NOS1AP: variants seen among roughly 807,000 people sequenced by gnomAD.
The protein encoded by NOS1AP is nitric oxide synthase 1 adaptor protein, also known as carboxyl-terminal PDZ ligand of neuronal nitric oxide synthase protein.
A neutral mutation model predicts 56.2 loss-of-function variants in NOS1AP; 21 were observed. That is an observed-to-expected ratio of 0.37 (90% CI 0.26 to 0.54). The LOEUF is 0.54. NOS1AP is among the 20% of genes least tolerant of loss of function. The pLI is 0.84. For synonymous variants in NOS1AP, 270 were observed against 274.6 expected, an observed-to-expected ratio of 0.98 and a Z score of 0.17; for missense variants, 522 against 657.8, an observed-to-expected ratio of 0.79 and a Z score of 2.26.
chr1:162,345,426 G>A (rs1196733802), intron 6 of NOS1AP, among the ~76,000 whole-genome samples: 1 of 151,296 alleles, frequency 6.6e-6, no homozygotes, highest in Non-Finnish European at 1.5e-5. Flanking sequence ...TTGTTCTTGC[G>A]ATAGTTTACT....
At chr1:162,240,243 C>CTGTGTGTGTGTG (rs1653446639) in intron 2 of NOS1AP, among the ~76,000 whole-genome samples, 1 of 79,870 alleles carries the variant, frequency 1.3e-5, no homozygotes, top group African/African-American at 6.1e-5. Context: ...ACTGTGTGGC[C>CTGTGTGTGTGTG]AGTGTGTGTG....
intron 1 of NOS1AP, among the ~76,000 whole-genome samples, chr1:162,089,623 G>A (rs181159547): frequency 6.6e-6 from 1 of 152,252 alleles, no homozygotes; most frequent in Admixed American, 6.5e-5. Flanking sequence ...AGATTATCCT[G>A]GATTATCTGG....
chr1:162,361,709 C>T (rs1657909411), intron 8 of NOS1AP, among the ~76,000 whole-genome samples: 1 of 152,216 alleles, frequency 6.6e-6, no homozygotes, highest in Admixed American at 6.5e-5. Flanking sequence ...GTACAAGGAG[C>T]ATTTTCTCAT....
chr1:162,170,808 G>T (rs1183940469), intron 2 of NOS1AP, among the ~76,000 whole-genome samples: 1 of 152,090 alleles, frequency 6.6e-6, no homozygotes, highest in Non-Finnish European at 1.5e-5. Context: ...GGATATGGTG[G>T]TGTGCACCTG....
At chr1:162,071,971 G>GATC (rs1477833377) in intron 1 of NOS1AP, among the ~76,000 whole-genome samples, 2 of 152,048 alleles carry the variant, frequency 1.3e-5, no homozygotes, top group East Asian at 3.9e-4. Flanking sequence ...AAAGTGGGAG[G>GATC]ATCGCCTGAG....
intron 2 of NOS1AP, among the ~76,000 whole-genome samples, chr1:162,160,571 C>T (rs1234412839): frequency 6.6e-6 from 1 of 152,168 alleles, no homozygotes; most frequent in African/African-American, 2.4e-5. Flanking sequence ...CACGTGGTCT[C>T]ATGCATTCAG....
chr1:162,077,667 G>A (rs1691798297), intron 1 of NOS1AP, among the ~76,000 whole-genome samples: 1 of 151,226 alleles, frequency 6.6e-6, no homozygotes, highest in South Asian at 2.1e-4. Flanking sequence ...GTCTGCCCTT[G>A]TCCTCTTAAT....
chr1:162,235,573 G>A (rs150097062), intron 2 of NOS1AP, among the ~76,000 whole-genome samples: 115 of 152,296 alleles, frequency 7.6e-4, no homozygotes, highest in African/African-American at 2.6e-3. Context: ...TCAACAGTGC[G>A]GAAACATGCT....
At chr1:162,297,189 G>A (rs1346197559) in intron 3 of NOS1AP, among the ~76,000 whole-genome samples, 1 of 152,220 alleles carries the variant, frequency 6.6e-6, no homozygotes, top group Admixed American at 6.5e-5. Flanking sequence ...AGGACATGTG[G>A]CTGGTTGGGG....
chr1:162,159,355 G>A (rs2102105252), intron 2 of NOS1AP, among the ~76,000 whole-genome samples: 1 of 152,224 alleles, frequency 6.6e-6, no homozygotes, highest in African/African-American at 2.4e-5. Flanking sequence ...GAAATTTCTT[G>A]TTCTGTCTCT....
At chr1:162,197,861 C>T (rs181935740) in intron 2 of NOS1AP, among the ~76,000 whole-genome samples, 5 of 152,346 alleles carry the variant, frequency 3.3e-5, no homozygotes, top group East Asian at 3.9e-4. Flanking sequence ...TTGGCCCTGC[C>T]GCACTATCCT....
intron 4 of NOS1AP, among the ~76,000 whole-genome samples, chr1:162,305,352 C>T (rs537077897): frequency 8.6e-5 from 13 of 151,806 alleles, no homozygotes; most frequent in Non-Finnish European, 1.3e-4. Flanking sequence ...AAGAGGTTAA[C>T]AACACTATGG....
At chr1:162,244,665 G>A (rs773742978) in intron 2 of NOS1AP, among the ~76,000 whole-genome samples, 74 of 152,158 alleles carry the variant, frequency 4.9e-4, no homozygotes, top group Non-Finnish European at 1.0e-3. Context: ...TTAAAGCAGA[G>A]TTTCCAGATA....
Position 162,239,551 on chromosome 1 carries a change from A to G in NOS1AP, c.178-47793A>G, listed in dbSNP as rs1159326363. 2.6e-5 allele frequency among the ~76,000 whole-genome samples: 4 copies of G among 152,346 alleles called. No homozygotes were observed. The East Asian group carries it at 7.7e-4, about 29-fold the overall frequency. On this transcript the variant is annotated intron_variant, in intron 2 of 9. Transcript: ENST00000361897. The stretch of plus-strand genomic sequence containing the variant: ...TGCACACATACTCACACAGATCAAC[A>G]CACGTGCTTATATTCAGTTAAGCAA...
At chr1:162,263,563 T>G (rs535378179) in intron 2 of NOS1AP, among the ~76,000 whole-genome samples, 4 of 152,328 alleles carry the variant, frequency 2.6e-5, no homozygotes, top group African/African-American at 9.6e-5. Flanking sequence ...CATTTTCCTA[T>G]GGTTTCACAG....
chr1:162,338,935 A>G (rs887319464), intron 5 of NOS1AP, among the ~76,000 whole-genome samples: 4 of 152,190 alleles, frequency 2.6e-5, no homozygotes, highest in African/African-American at 4.8e-5. Flanking sequence ...TGATACCCAC[A>G]TTAGGTGTGC....
rs190592102 is a variant in NOS1AP at position 162,233,772 on chromosome 1, G to A, written c.178-53572G>A. On this transcript the variant is annotated intron_variant, in intron 2 of 9. Coordinates refer to ENST00000361897, the MANE Select transcript of NOS1AP (RefSeq NM_014697.3). ...TCTCAAAACTTTGCTTTGTGGCCAG[G>A]ACTTGTGAGGATTTTCTTGGCCTAC... Among the ~76,000 whole-genome samples the A allele has an allele frequency of 9.8e-4, 150 of 152,316 alleles. 1 individual carries two copies. The highest frequency in any genetic ancestry group is 3.5e-3 in the African/African-American group (146 of 41,582).
At chr1:162,258,006 C>G (rs1172137040) in intron 2 of NOS1AP, among the ~76,000 whole-genome samples, 1 of 151,908 alleles carries the variant, frequency 6.6e-6, no homozygotes, top group African/African-American at 2.4e-5. Flanking sequence ...CATAAATTGT[C>G]TCTTGGCTAA....
intron 2 of NOS1AP, among the ~76,000 whole-genome samples, chr1:162,174,727 T>C (rs957343328): frequency 6.6e-6 from 1 of 152,222 alleles, no homozygotes; most frequent in Non-Finnish European, 1.5e-5. Context: ...TGAACTGATA[T>C]TGATATATTC....
Sources: gnomAD v4.1 joint callset for allele counts (sites outside exome capture counted in the v4.1 genomes callset) on GRCh38, gnomAD v4.1.1 for gene constraint, MANE v1.5 for transcripts, NCBI Gene and HGNC (gene_info 2026-07-23, HGNC 2026-07-21) for gene names.